Variants in TMEM156 observed in about 807,000 individuals in gnomAD.
TMEM156 encodes the protein transmembrane protein 156.
TMEM156 carries 28 observed loss-of-function variants against 30.5 expected under a neutral mutation model. That is an observed-to-expected ratio of 0.92 (90% CI 0.68 to 1.26). The LOEUF (loss-of-function observed/expected upper bound fraction) is 1.26, where lower values mean the gene tolerates loss of function less well. Among genes scored for constraint, TMEM156 ranks in the 50% most tolerant of loss-of-function variants. The pLI, the probability that TMEM156 is intolerant of heterozygous loss-of-function variation, is 0.00. For synonymous variants in TMEM156, 137 were observed against 119.9 expected (o/e 1.14, Z -0.93); for missense variants, 351 against 340.6 (o/e 1.03, Z -0.24).
At chr4:39,005,942 C>T (rs772746596) in intron 1 of TMEM156, among the ~76,000 whole-genome samples, 1 of 152,202 alleles carries the variant, frequency 6.6e-6, no homozygotes, top group African/African-American at 2.4e-5. Flanking sequence ...TGTTGCCAGG[C>T]TGGAGTGCAG....
At chr4:39,002,762 T>A (rs1460479067) in intron 1 of TMEM156, among the ~76,000 whole-genome samples, 38 of 149,992 alleles carry the variant, frequency 2.5e-4, no homozygotes, top group Non-Finnish European at 4.8e-4. Flanking sequence ...GAAATCATCA[T>A]TCTCAGTAAA....
chr4:38,970,329 T>C (rs775700288), intron 6 of TMEM156, among the ~76,000 whole-genome samples: 4 of 152,176 alleles, frequency 2.6e-5, no homozygotes, highest in Non-Finnish European at 5.9e-5. Flanking sequence ...ATTAAACTAA[T>C]CTCAAATTAT....
At chr4:39,018,916 G>A (rs1231987242) in intron 1 of TMEM156, among the ~76,000 whole-genome samples, 1 of 151,614 alleles carries the variant, frequency 6.6e-6, no homozygotes, top group South Asian at 2.1e-4. Flanking sequence ...AGCTACTCAG[G>A]AGGCTGAGGC....
intron 3 of TMEM156, among the ~76,000 whole-genome samples, chr4:38,991,823 C>T (rs1712488804): frequency 6.6e-6 from 1 of 152,034 alleles, no homozygotes; most frequent in Non-Finnish European, 1.5e-5. Context: ...CTTCTTTACC[C>T]TTCAGATTTC....
chr4:39,013,202 G>T (rs1327686592), intron 1 of TMEM156, among the ~76,000 whole-genome samples: 1 of 151,328 alleles, frequency 6.6e-6, no homozygotes, highest in Non-Finnish European at 1.5e-5. Flanking sequence ...TCGGGAAACT[G>T]AGGTGGGAGG....
At chr4:39,008,441 T>G (rs1713891342) in intron 1 of TMEM156, among the ~76,000 whole-genome samples, 1 of 152,194 alleles carries the variant, frequency 6.6e-6, no homozygotes, top group Non-Finnish European at 1.5e-5. Context: ...AATGCTAACT[T>G]AATCTTGCAC....
At chr4:38,989,107 G>T (rs942238209) in intron 3 of TMEM156, 137 bp from the exon 4 acceptor site, 50 of 796,890 alleles carry the variant, frequency 6.3e-5, no homozygotes, top group Non-Finnish European at 8.8e-5. Context: ...ACTGTTACAG[G>T]GTCACTAGCT....
rs1560360209 is a variant in TMEM156, at chr4:38,984,343, C to CTCTT, written c.823+1992_823+1993insAAGA. Among the ~76,000 whole-genome samples the CTCTT allele has an allele frequency of 8.4e-5, 9 of 107,108 alleles. No individual in the cohort carries two copies. The Admixed American group carries it at 9.0e-4, about 11-fold the overall frequency. The allele number at this position is 107,108 out of a possible 152,430, so 70.3% of individuals were successfully genotyped here. A position where few individuals can be genotyped will look rare whatever the true frequency, so the allele number is the denominator to read the frequency against. ...TCTCTCTTTCTCTCTGTCTCTCTCT[C>CTCTT]TCTCTCTGTGTGTGTGTGTGTGTGT... On this transcript the variant is annotated intron_variant, in intron 5 of 6. Coordinates refer to ENST00000381938, the MANE Select transcript of TMEM156 (RefSeq NM_024943.3).
intron 2 of TMEM156, among the ~76,000 whole-genome samples, chr4:38,995,979 G>A (rs1712897144): frequency 6.6e-6 from 1 of 152,114 alleles, no homozygotes; most frequent in Admixed American, 6.6e-5. Context: ...AATCAGCAGA[G>A]TGAAAAGGCA....
intron 5 of TMEM156, among the ~76,000 whole-genome samples, chr4:38,978,476 C>T (rs1241920324): frequency 6.6e-6 from 1 of 152,148 alleles, no homozygotes; most frequent in East Asian, 1.9e-4. Flanking sequence ...CAAATATGGG[C>T]TGAATGATCA....
At position 39,031,862 on chromosome 4, in the gene TMEM156, G is replaced by A. The variant is rs112301985; in HGVS notation, c.88+364C>T. On this transcript the variant is annotated intron_variant, in intron 1 of 6. Transcript: ENST00000381938. ...TAGGCCATTGCACTCCAGCCTGAGC[G>A]ACAGAGACTCCATCTCAAAAAAAAA... 1.0e-3 allele frequency among the ~76,000 whole-genome samples: 135 copies of A among 131,538 alleles called. 1 individual carries two copies. Among genetic ancestry groups the A allele is most frequent in the African/African-American group, 3.8e-3 (126 of 32,946 alleles). 86.3% of individuals were successfully genotyped at this position (131,538 alleles called of 152,430 possible). A position where few individuals can be genotyped will look rare whatever the true frequency, so the allele number is the denominator to read the frequency against.
At position 39,030,952 on chromosome 4, in the gene TMEM156, G is replaced by C. The variant is rs532758243; in HGVS notation, c.88+1274C>G. Among the ~76,000 whole-genome samples, 12 of 152,332 alleles carry C rather than the reference G, an allele frequency of 7.9e-5. No individual in the cohort carries two copies. The East Asian group carries it at 2.3e-3, about 29-fold the overall frequency. ...GCCAGAAAACCAAATTGTAGTCATAGTGTTTATTTAGCAAAAATATTTTTA... is the reference window on the plus strand; with the variant it reads ...GCCAGAAAACCAAATTGTAGTCATACTGTTTATTTAGCAAAAATATTTTTA... On this transcript the variant is annotated intron_variant, in intron 1 of 6. Transcript: ENST00000381938.
At chr4:39,027,758 CTTTT>C (rs112766367) in intron 1 of TMEM156, among the ~76,000 whole-genome samples, 1 of 120,796 alleles carries the variant, frequency 8.3e-6, no homozygotes, top group Non-Finnish European at 1.7e-5. Flanking sequence ...TTTTCTTTTT[CTTTT>C]TTTTTTTTTT....
At position 39,032,270 on chromosome 4, in the gene TMEM156, A is replaced by G. The variant is rs138571390; in HGVS notation, c.44T>C (p.Ile15Thr). 14 of 1,610,390 alleles carry G rather than the reference A, an allele frequency of 8.7e-6. No homozygotes were observed. The African/African-American group carries it at 1.2e-4, about 14-fold the overall frequency. ...ALLKLFVAIV[I>T]TFILILPEYF... ...TTCCGGCAAAATTAAAATGAATGTG[A>G]TCACTATTGCCACAAATAATTTAAG... Residue 15 changes from isoleucine to threonine, a missense_variant, in exon 1 of 7, where the codon ATC becomes ACC. By Grantham distance (89) the Ile-to-Thr change is moderately conservative. Coordinates refer to ENST00000381938, the MANE Select transcript of TMEM156 (RefSeq NM_024943.3).
chr4:38,973,504 T>C (rs1407219571), intron 5 of TMEM156, among the ~76,000 whole-genome samples: 1 of 152,172 alleles, frequency 6.6e-6, no homozygotes, highest in African/African-American at 2.4e-5. Context: ...CTGGTTATTG[T>C]TTAAGTAGGT....
intron 1 of TMEM156, among the ~76,000 whole-genome samples, chr4:39,029,971 C>T (rs576536499): frequency 6.6e-6 from 1 of 152,068 alleles, no homozygotes; most frequent in South Asian, 2.1e-4. Context: ...AAAATTCCTT[C>T]TACCACTAAA....
chr4:39,029,917 C>T (rs1002137646), intron 1 of TMEM156, among the ~76,000 whole-genome samples: 3 of 151,870 alleles, frequency 2.0e-5, no homozygotes, highest in Admixed American at 6.6e-5. Flanking sequence ...ATGTGTATAA[C>T]ATTTTGCCTA....
At chr4:38,993,041 GT>G (rs1712655737) in intron 3 of TMEM156, among the ~76,000 whole-genome samples, 1 of 151,526 alleles carries the variant, frequency 6.6e-6, no homozygotes. Flanking sequence ...GATTACAGGT[GT>G]GAGCCACCGC....
chr4:38,974,410 T>G (rs1322473308), intron 5 of TMEM156, among the ~76,000 whole-genome samples: 3 of 152,108 alleles, frequency 2.0e-5, no homozygotes, highest in South Asian at 4.1e-4. Context: ...ATTTGAATAT[T>G]ATTAATAATG....
Sources: allele counts gnomAD v4.1 joint callset (sites outside exome capture counted in the v4.1 genomes callset), GRCh38; gene constraint gnomAD v4.1.1; transcripts MANE v1.5; gene names NCBI Gene and HGNC (gene_info 2026-07-23, HGNC 2026-07-21).